Variants in OVOL3 observed in about 807,000 individuals in gnomAD.
The protein encoded by OVOL3 is ovo like zinc finger 3.
A neutral mutation model predicts 13.6 loss-of-function variants in OVOL3; 15 were observed. The ratio of observed to expected loss-of-function variants is 1.11; its 90% CI spans 0.74 to 1.70. The LOEUF (loss-of-function observed/expected upper bound fraction) is 1.70, where lower values mean the gene tolerates loss of function less well. Among genes scored for constraint, OVOL3 ranks in the 40% most tolerant of loss-of-function variants. OVOL3 has a pLI of 0.00. For synonymous variants in OVOL3, 102 were observed against 108.5 expected (o/e 0.94, Z 0.37); for missense variants, 290 against 280.6 (o/e 1.03, Z -0.24).
chr19:36,111,286 C>G lies in OVOL3; in HGVS notation c.84C>G (p.Ala28=), dbSNP rs1973808964. ...GHLPDQLRGD[A]YIPDCSSLGG... The stretch of plus-strand genomic sequence containing the variant: ...TGCCTGACCAGCTCCGGGGAGATGC[C>G]TATATCCCAGGTGGGCCCCTCACTG... The change falls in exon 1 of 4, where the codon GCC becomes GCG. Residue 28 remains alanine (A), a synonymous_variant. Coordinates refer to ENST00000633214, the MANE Select transcript of OVOL3 (RefSeq NM_001302757.2). 1.3e-6 allele frequency: 2 copies of G among 1,535,944 alleles called. No individual in the cohort carries two copies. The highest frequency in any genetic ancestry group is 2.7e-5 in the African/African-American group (2 of 73,044).
At chr19:36,111,763 C>G (rs1482258594) in intron 2 of OVOL3, 1 of 528,742 alleles carries the variant, frequency 1.9e-6, no homozygotes, top group Admixed American at 2.2e-5. Flanking sequence ...AGGGCTTTTT[C>G]AGCTGTGCAT....
rs558665200 is a variant in OVOL3, at chr19:36,113,561, G to T, written c.473G>T (p.Arg158Leu). Reference sequence around the variant, plus strand: ...GGACAGCCGGCCAGCTACGCTTACCGTGAGCGCCGCGAGAAGCTGCACGTG... The same window carrying T: ...GGACAGCCGGCCAGCTACGCTTACCTTGAGCGCCGCGAGAAGCTGCACGTG... ...VHGQPASYAY[R>L]ERREKLHVCE... The change falls in exon 4 of 4, where the codon CGT (arginine) becomes CTT (leucine). Residue 158 changes from arginine (R) to leucine (L), a missense_variant. Physicochemically the swap from Arg to Leu is moderately radical, Grantham distance 102. Coordinates refer to ENST00000633214, the MANE Select transcript of OVOL3 (RefSeq NM_001302757.2). 5.2e-6 allele frequency: 8 copies of T among 1,536,958 alleles called. No individual in the cohort carries two copies. The highest frequency in any genetic ancestry group is 7.0e-6 in the Non-Finnish European group (8 of 1,146,896).
chr19:36,113,149 G>A (rs947901893), intron 3 of OVOL3, among the ~76,000 whole-genome samples, 185 bp downstream of exon 3: 2 of 152,178 alleles, frequency 1.3e-5, no homozygotes, highest in African/African-American at 4.8e-5. Flanking sequence ...GGCCTGTCAC[G>A]GAATGCAGAG....
In OVOL3 at chr19:36,111,588, C is replaced by T. The variant is rs912522671; in HGVS notation, c.159+155C>T. ...CTACTTCTCTGTGTTGGGAATGCCT[C>T]TCCTTTCCTAGTAGTGAGCTCTCTA... On this transcript the variant is annotated intron_variant, in intron 2 of 3. Coordinates refer to ENST00000633214, the MANE Select transcript of OVOL3 (RefSeq NM_001302757.2). 3 of 798,208 alleles carry T rather than the reference C, an allele frequency of 3.8e-6. No homozygotes were observed. The African/African-American group carries it at 5.1e-5, about 14-fold the overall frequency. 49.4% of individuals were successfully genotyped at this position (798,208 alleles called of 1,614,324 possible). A position where few individuals can be genotyped will look rare whatever the true frequency, so the allele number is the denominator to read the frequency against.
rs1410744520 is a variant in OVOL3 at position 36,111,187 on chromosome 19, G to A, written c.-16G>A. 17 of 1,524,848 alleles carry A rather than the reference G, an allele frequency of 1.1e-5. No individual in the cohort carries two copies. The highest frequency in any genetic ancestry group is 2.0e-5 in the Admixed American group (1 of 50,530). The allele number at this position is 1,524,848 out of a possible 1,614,324, so 94.5% of individuals were successfully genotyped here. ...GGTGGAAGCAGCCCCTGTGTGTGGA[G>A]AGCCTTCCGGAGGGCATGCCCCGCG... On this transcript the variant is annotated 5_prime_UTR_variant, in exon 1 of 4. Transcript: ENST00000633214.
Position 36,113,005 on chromosome 19 carries a change from G to A in OVOL3, c.364+41G>A, listed in dbSNP as rs753525918. The A allele has an allele frequency of 1.2e-5, 18 of 1,520,564 alleles. No homozygotes were observed. In the South Asian group the frequency reaches 1.4e-4, roughly 12 times the overall value. The allele number at this position is 1,520,564 out of a possible 1,614,324, so 94.2% of individuals were successfully genotyped here. ...GACAGGGAAAAGTTGCTGGGCCCCAGGTGGGGATGGAAGGAAATGGAGAGA... is the reference window on the plus strand; with the variant it reads ...GACAGGGAAAAGTTGCTGGGCCCCAAGTGGGGATGGAAGGAAATGGAGAGA... On this transcript the variant is annotated intron_variant, in intron 3 of 3. Transcript: ENST00000633214.
chr19:36,112,520 T>TA (rs11427603), intron 2 of OVOL3, among the ~76,000 whole-genome samples: 61,399 of 148,196 alleles, frequency 0.41, 12,998 homozygotes, highest in East Asian at 0.56. Flanking sequence ...ACTCTGTCTT[T>TA]AAAAAAAAAA....
Position 36,112,980 on chromosome 19 carries a change from G to A in OVOL3, c.364+16G>A. ...ACTCACACTGGTGAGCAGTGGCAGG[G>A]ACAGGGAAAAGTTGCTGGGCCCCAG... is the stretch of plus-strand genomic sequence containing the variant. On this transcript the variant is annotated intron_variant, in intron 3 of 3. Transcript: ENST00000633214. The A allele has an allele frequency of 6.5e-7, 1 of 1,533,402 alleles. No homozygotes were observed. Among genetic ancestry groups the A allele is most frequent in the Non-Finnish European group, 8.7e-7 (1 of 1,144,562 alleles). The allele number at this position is 1,533,402 out of a possible 1,614,324, so 95.0% of individuals were successfully genotyped here.
At position 36,113,480 on chromosome 19, in the gene OVOL3, G is replaced by C; in HGVS notation, c.392G>C (p.Cys131Ser). 6.5e-7 allele frequency: 1 copy of C among 1,535,706 alleles called. No homozygotes were observed. The highest frequency in any genetic ancestry group is 8.7e-7 in the Non-Finnish European group (1 of 1,146,518). The change falls in exon 4 of 4, where the codon TGC (cysteine) becomes TCC (serine). Residue 131 changes from cysteine (C) to serine (S), a missense_variant. Physicochemically the swap from Cys to Ser is moderately radical, Grantham distance 112. Transcript: ENST00000633214. ...ATCCGGCCCTTCCGCTGCAGTGCTT[G>C]CGGGAAAGCGTTTACGCAGCGCTGC... Reference protein sequence around the residue: ...TGIRPFRCSACGKAFTQRCSL... With the variant: ...TGIRPFRCSASGKAFTQRCSL...
intron 3 of OVOL3, 105 bp from the exon 4 acceptor site, chr19:36,113,348 A>C: frequency 8.5e-7 from 1 of 1,169,996 alleles, no homozygotes; most frequent in Non-Finnish European, 1.2e-6. Context: ...AGAGCTTGGA[A>C]TAGGTACCAG....
At chr19:36,113,330 G>C in intron 3 of OVOL3, 123 bp from the exon 4 acceptor site, 2 of 1,004,196 alleles carry the variant, frequency 2.0e-6, no homozygotes, top group Non-Finnish European at 2.9e-6. Flanking sequence ...ATGGGCGGAA[G>C]AGTCTGAAGA....
intron 3 of OVOL3, 97 bp from the exon 4 acceptor site, chr19:36,113,356 C>A (rs1973871678): frequency 8.0e-7 from 1 of 1,249,876 alleles, no homozygotes; most frequent in Non-Finnish European, 1.1e-6. Flanking sequence ...GAATAGGTAC[C>A]AGAAATGCTC....
At position 36,113,549 on chromosome 19, in the gene OVOL3, G is replaced by A; in HGVS notation, c.461G>A (p.Ser154Asn). ...GCTAAGGTGCATGGACAGCCGGCCA[G>A]CTACGCTTACCGTGAGCGCCGCGAG... is the stretch of plus-strand genomic sequence containing the variant. ...HLAKVHGQPA[S>N]YAYRERREKL... Residue 154 changes from serine to asparagine, a missense_variant, in exon 4 of 4, where the codon AGC becomes AAC. Physicochemically the swap from Ser to Asn is conservative, Grantham distance 46. Transcript: ENST00000633214. 6.5e-7 allele frequency: 1 copy of A among 1,536,524 alleles called. No homozygotes were observed. The highest frequency in any genetic ancestry group is 8.7e-7 in the Non-Finnish European group (1 of 1,146,910).
Position 36,111,356 on chromosome 19 carries a change from C to T in OVOL3, c.95-13C>T, listed in dbSNP as rs1973810783. 6.5e-7 allele frequency: 1 copy of T among 1,535,640 alleles called. No individual in the cohort carries two copies. Among genetic ancestry groups the T allele is most frequent in the Non-Finnish European group, 8.7e-7 (1 of 1,146,588 alleles). On this transcript the variant is annotated splice_polypyrimidine_tract_variant and intron_variant, in intron 1 of 3. Transcript: ENST00000633214. ...GGAGAGACGCAGTGTCACCATCTGGCTTTTCTCCTCAGACTGCAGCAGCCT... is the reference window on the plus strand; with the variant it reads ...GGAGAGACGCAGTGTCACCATCTGGTTTTTCTCCTCAGACTGCAGCAGCCT...
chr19:36,113,198 C>A (rs569666594), intron 3 of OVOL3, among the ~76,000 whole-genome samples: 5 of 152,266 alleles, frequency 3.3e-5, no homozygotes, highest in Admixed American at 6.5e-5. Flanking sequence ...GGCTCCAGAT[C>A]GAAAGGCAAG....
In OVOL3 at chr19:36,111,275, C is replaced by A. The variant is rs761040426; in HGVS notation, c.73C>A (p.Arg25=). Residue 25 remains arginine (R), a synonymous_variant, in exon 1 of 4, where the codon CGG becomes AGG. Coordinates refer to ENST00000633214, the MANE Select transcript of OVOL3 (RefSeq NM_001302757.2). ...PNWGHLPDQL[R]GDAYIPDCSS... is the part of the protein sequence containing the mutation. ...CTGGGGCCATCTGCCTGACCAGCTC[C>A]GGGGAGATGCCTATATCCCAGGTGG... The A allele has an allele frequency of 2.6e-6, 4 of 1,536,012 alleles. No individual in the cohort carries two copies. The highest frequency in any genetic ancestry group is 3.5e-6 in the Non-Finnish European group (4 of 1,146,870).
In OVOL3 at chr19:36,111,208, C is replaced by T. The variant is rs1037160380; in HGVS notation, c.6C>T (p.Pro2=). The T allele has an allele frequency of 2.0e-5, 31 of 1,533,652 alleles. No individual in the cohort carries two copies. The highest frequency in any genetic ancestry group is 2.7e-5 in the African/African-American group (2 of 72,978). Residue 2 remains proline, a synonymous_variant, in exon 1 of 4, where the codon CCC becomes CCT. Transcript: ENST00000633214. M[P]RAFLVRSRRP... ...TGGAGAGCCTTCCGGAGGGCATGCC[C>T]CGCGCCTTCCTGGTCAGGAGTCGGC...
In OVOL3 at chr19:36,112,363, TA is replaced by T. The variant is rs374632900; in HGVS notation, c.160-390del. On this transcript the variant is annotated intron_variant, in intron 2 of 3. Coordinates refer to ENST00000633214, the MANE Select transcript of OVOL3 (RefSeq NM_001302757.2). ...GGTGAAACCCCATCTCTACAAAAAATAAAAAAATTAACTGGGCATGTGGCGC... is the reference window on the plus strand; with the variant it reads ...GGTGAAACCCCATCTCTACAAAAAATAAAAAATTAACTGGGCATGTGGCGC... 5.6e-3 allele frequency among the ~76,000 whole-genome samples: 846 copies of T among 151,910 alleles called. 3 individuals carry two copies. Among genetic ancestry groups the T allele is most frequent in the African/African-American group, 0.019 (801 of 41,422 alleles).
chr19:36,113,189 G>A (rs1052365073), intron 3 of OVOL3, among the ~76,000 whole-genome samples: 1 of 152,134 alleles, frequency 6.6e-6, no homozygotes, highest in Non-Finnish European at 1.5e-5. Flanking sequence ...TACGATTCAG[G>A]CTCCAGATCG....
Sources: gnomAD v4.1 joint callset for allele counts (sites outside exome capture counted in the v4.1 genomes callset) on GRCh38, gnomAD v4.1.1 for gene constraint, MANE v1.5 for transcripts, NCBI Gene and HGNC (gene_info 2026-07-23, HGNC 2026-07-21) for gene names.